DCAF1: variants seen among roughly 807,000 people sequenced by gnomAD.
DCAF1 encodes DDB1 and CUL4 associated factor 1.
DCAF1 carries 15 observed loss-of-function variants against 128.0 expected under a neutral mutation model. The observed-to-expected ratio is 0.12, with a 90% CI of 0.08 to 0.18. The LOEUF is 0.18. Ranked by LOEUF, DCAF1 falls within the 10% of genes least tolerant of loss-of-function variation. DCAF1 has a pLI of 1.00. For missense variants in DCAF1, 988 were observed against 1,649.5 expected, an observed-to-expected ratio of 0.60 and a Z score of 6.95; for synonymous variants, 610 against 603.0, an observed-to-expected ratio of 1.01 and a Z score of -0.17.
At chr3:51,423,218 G>A (rs1699574893) in intron 13 of DCAF1, among the ~76,000 whole-genome samples, 1 of 152,210 alleles carries the variant, frequency 6.6e-6, no homozygotes, top group Non-Finnish European at 1.5e-5. Flanking sequence ...CCAGGGCCAG[G>A]CGTGGTCTCA....
At chr3:51,414,533 T>A in intron 19 of DCAF1, 91 bp downstream of exon 19, 1 of 1,519,832 alleles carries the variant, frequency 6.6e-7, no homozygotes, top group Non-Finnish European at 8.9e-7. Flanking sequence ...GTGGACACTT[T>A]AACCAGGTAT....
chr3:51,438,954 C>T (rs1199336847), intron 9 of DCAF1, among the ~76,000 whole-genome samples: 1 of 152,172 alleles, frequency 6.6e-6, no homozygotes, highest in Non-Finnish European at 1.5e-5. Context: ...TTAATGACCT[C>T]ATCTCTCAAC....
chr3:51,472,768 G>A (rs1202000333), intron 3 of DCAF1, among the ~76,000 whole-genome samples: 2 of 150,908 alleles, frequency 1.3e-5, no homozygotes, highest in African/African-American at 2.4e-5. Flanking sequence ...AGGTTCAAGC[G>A]ATTCTGCTGC....
intron 3 of DCAF1, among the ~76,000 whole-genome samples, chr3:51,473,312 C>A (rs1704990953): frequency 6.7e-6 from 1 of 150,040 alleles, no homozygotes; most frequent in South Asian, 2.1e-4. Context: ...CTAAGACTGA[C>A]ACTCTATAAT....
intron 3 of DCAF1, among the ~76,000 whole-genome samples, chr3:51,477,865 C>A (rs990148403): frequency 3.9e-5 from 6 of 152,024 alleles, no homozygotes; most frequent in Non-Finnish European, 7.3e-5. Context: ...ATTCTGATAA[C>A]CCCTTTAATA....
intron 23 of DCAF1, among the ~76,000 whole-genome samples, chr3:51,406,594 C>T (rs1188750029): frequency 6.6e-5 from 10 of 152,102 alleles, no homozygotes; most frequent in African/African-American, 2.4e-4. Flanking sequence ...CCCAAAGCCC[C>T]CAAACCCTGC....
intron 9 of DCAF1, chr3:51,437,344 T>C (rs782479377): frequency 2.4e-5 from 12 of 494,922 alleles, no homozygotes; most frequent in Non-Finnish European, 4.7e-5. Context: ...ATTTCCTGGG[T>C]TGCAAAGGGG....
intron 9 of DCAF1, among the ~76,000 whole-genome samples, chr3:51,438,318 CAAAGA>C (rs1553637641): frequency 6.6e-6 from 1 of 151,946 alleles, no homozygotes; most frequent in Non-Finnish European, 1.5e-5. Flanking sequence ...AGTAGAAATA[CAAAGA>C]AAATAACCTC....
intron 24 of DCAF1, among the ~76,000 whole-genome samples, 161 bp downstream of exon 24, chr3:51,402,982 G>T (rs1553625390): frequency 6.6e-6 from 1 of 152,116 alleles, no homozygotes; most frequent in Admixed American, 6.5e-5. Flanking sequence ...AGGAGAGGAG[G>T]GCAGAGATGC....
intron 3 of DCAF1, among the ~76,000 whole-genome samples, chr3:51,473,264 A>G (rs1393345023): frequency 6.8e-6 from 1 of 147,010 alleles, no homozygotes; most frequent in Non-Finnish European, 1.5e-5. Flanking sequence ...CTCTATCTCA[A>G]AAAAAAAAAA....
At chr3:51,501,122 C>G (rs1708786657), upstream of DCAF1, among the ~76,000 whole-genome samples, 2 of 152,172 alleles carry the variant, frequency 1.3e-5, no homozygotes, top group Admixed American at 1.3e-4. Context: ...CAGCCTCTGT[C>G]TTTTTGTTCA....
intron 1 of DCAF1, among the ~76,000 whole-genome samples, chr3:51,497,604 AT>A (rs1403911840): frequency 6.6e-6 from 1 of 151,324 alleles, no homozygotes; most frequent in Non-Finnish European, 1.5e-5. Flanking sequence ...AGAAAAAAAA[AT>A]TTTTTTTAAA....
chr3:51,488,078 T>G (rs1321972430), intron 2 of DCAF1, among the ~76,000 whole-genome samples: 1 of 151,804 alleles, frequency 6.6e-6, no homozygotes, highest in Non-Finnish European at 1.5e-5. Context: ...TTGGCCAGGC[T>G]GGTCTTGAAC....
intron 4 of DCAF1, among the ~76,000 whole-genome samples, chr3:51,468,694 T>C (rs185745172): frequency 2.9e-4 from 44 of 152,322 alleles, no homozygotes; most frequent in Admixed American, 1.0e-3. Context: ...CGTAGTTACC[T>C]AATGTTAGCT....
intron 6 of DCAF1, among the ~76,000 whole-genome samples, chr3:51,462,272 A>G (rs2108047503): frequency 6.6e-6 from 1 of 151,984 alleles, no homozygotes; most frequent in African/African-American, 2.4e-5. Flanking sequence ...AAATACAAAA[A>G]TTAGCCAGGC....
In DCAF1 at chr3:51,444,134, A is replaced by T. The variant is rs186141005; in HGVS notation, c.376-231T>A. ...CTATCTCTTTTAGGTCTTTGCAGTC[A>T]GAAAAAAATAATTAAAAAATAAACA... On this transcript the variant is annotated intron_variant, in intron 6 of 24. Coordinates refer to ENST00000684031, the MANE Select transcript of DCAF1 (RefSeq NM_001387579.1). 3.9e-4 allele frequency among the ~76,000 whole-genome samples: 59 copies of T among 152,296 alleles called. No homozygotes were observed. The highest frequency in any genetic ancestry group is 1.4e-3 in the African/African-American group (58 of 41,564).
At position 51,469,221 on chromosome 3, in the gene DCAF1, A is replaced by ATTT. The variant is rs781851604; in HGVS notation, c.187+1705_187+1707dup. Among the ~76,000 whole-genome samples the ATTT allele has an allele frequency of 3.8e-3, 446 of 116,716 alleles. 14 individuals are homozygous for ATTT. Among genetic ancestry groups the ATTT allele is most frequent in the African/African-American group, 4.2e-3 (118 of 28,274 alleles). The allele number at this position is 116,716 out of a possible 152,430, so 76.6% of individuals were successfully genotyped here. On this transcript the variant is annotated intron_variant, in intron 4 of 24. Coordinates refer to ENST00000684031, the MANE Select transcript of DCAF1 (RefSeq NM_001387579.1). ...ATTCACATTCTTTTTCCACACACAAATTTTTTTTTTTTTTTTTTTTTTTTT... is the reference window on the plus strand; with the variant it reads ...ATTCACATTCTTTTTCCACACACAAATTTTTTTTTTTTTTTTTTTTTTTTTTTT...
chr3:51,493,994 C>G (rs1168253904), intron 2 of DCAF1, among the ~76,000 whole-genome samples: 2 of 141,632 alleles, frequency 1.4e-5, no homozygotes, highest in African/African-American at 2.6e-5. Context: ...GAGATTCCGT[C>G]TCAAAAAAAA....
At chr3:51,415,737 A>C (rs890085655) in intron 18 of DCAF1, among the ~76,000 whole-genome samples, 3 of 152,168 alleles carry the variant, frequency 2.0e-5, no homozygotes, top group Middle Eastern at 3.4e-3. Context: ...ATAGGTCCCA[A>C]GCCCACCAAG....
Sources: gnomAD v4.1 joint callset for allele counts (sites outside exome capture counted in the v4.1 genomes callset) on GRCh38, gnomAD v4.1.1 for gene constraint, MANE v1.5 for transcripts, NCBI Gene and HGNC (gene_info 2026-07-23, HGNC 2026-07-21) for gene names.